Variants in NOS1 observed in about 807,000 individuals in gnomAD.
The protein encoded by NOS1 is NOS type I.
Under a neutral mutation model 164.5 loss-of-function variants are expected in NOS1, and 51 were observed. The observed-to-expected ratio is 0.31, with a 90% CI of 0.25 to 0.39. The LOEUF (loss-of-function observed/expected upper bound fraction) is 0.39. NOS1 is among the 10% of genes least tolerant of loss of function. The pLI is 1.00. For missense variants in NOS1, 1,362 were observed against 1,885.6 expected (o/e 0.72, Z 5.14); for synonymous variants, 719 against 745.8 (o/e 0.96, Z 0.59).
At chr12:117,250,821 C>T (rs1221257463) in intron 17 of NOS1, among the ~76,000 whole-genome samples, 3 of 152,196 alleles carry the variant, frequency 2.0e-5, no homozygotes, top group Non-Finnish European at 2.9e-5. Context: ...ACTTCCAGCA[C>T]TAGTCATGCC....
chr12:117,294,280 TGAG>T (rs1566063012), intron 3 of NOS1, among the ~76,000 whole-genome samples: 1 of 151,220 alleles, frequency 6.6e-6, no homozygotes, highest in Non-Finnish European at 1.5e-5. Flanking sequence ...GGGCCAGGCG[TGAG>T]GAGGAGGAGC....
intron 8 of NOS1, 107 bp downstream of exon 8, chr12:117,280,618 C>A: frequency 1.8e-6 from 2 of 1,128,342 alleles, no homozygotes; most frequent in South Asian, 1.5e-5. Context: ...AGTAAATGAC[C>A]CCATCAGCGG....
intron 1 of NOS1, among the ~76,000 whole-genome samples, chr12:117,342,030 C>T (rs546953765): frequency 1.6e-4 from 24 of 152,262 alleles, no homozygotes; most frequent in South Asian, 6.2e-4. Context: ...ATATTATCAG[C>T]GGTCTCGGAA....
chr12:117,219,703 C>T (rs1240068019), intron 27 of NOS1, among the ~76,000 whole-genome samples: 1 of 152,162 alleles, frequency 6.6e-6, no homozygotes, highest in East Asian at 1.9e-4. Flanking sequence ...TAGAGGGCTC[C>T]ACAGTTCTCC....
intron 9 of NOS1, among the ~76,000 whole-genome samples, chr12:117,274,769 CAAAAA>C (rs71099039): frequency 1.3e-5 from 1 of 77,018 alleles, no homozygotes; most frequent in African/African-American, 5.6e-5. Context: ...CTCCGTCTCA[CAAAAA>C]AAAAAAAAAA....
chr12:117,298,519 T>G (rs2136038183), intron 3 of NOS1, among the ~76,000 whole-genome samples: 1 of 152,292 alleles, frequency 6.6e-6, no homozygotes, highest in South Asian at 2.1e-4. Context: ...ATTCATATGT[T>G]GATGTCCTAA....
chr12:117,209,467 T>A lies in NOS1; in HGVS notation c.*5842A>T. 7.1e-6 allele frequency: 7 copies of A among 985,408 alleles called. No individual in the cohort carries two copies. Among genetic ancestry groups the A allele is most frequent in the Non-Finnish European group, 8.4e-6 (7 of 829,936 alleles). The allele number at this position is 985,408 out of a possible 1,614,324, so 61.0% of individuals were successfully genotyped here. A position where few individuals can be genotyped will look rare whatever the true frequency, so the allele number is the denominator to read the frequency against. The stretch of plus-strand genomic sequence containing the variant: ...ATCTGGGCACTTCGATGTCCTGGAG[T>A]TACTTTCTAAAAGACTACAGGAAGC... On this transcript the variant is annotated 3_prime_UTR_variant, in exon 29 of 29. Coordinates refer to ENST00000317775, the MANE Select transcript of NOS1 (RefSeq NM_000620.5).
At chr12:117,222,955 C>A in intron 25 of NOS1, 92 bp from the exon 26 acceptor site, 1 of 1,436,552 alleles carries the variant, frequency 7.0e-7, no homozygotes, top group Non-Finnish European at 9.5e-7. Flanking sequence ...GAGACCTTAG[C>A]GTGTGCCATG....
At chr12:117,296,378 G>A (rs956914975) in intron 3 of NOS1, among the ~76,000 whole-genome samples, 3 of 152,166 alleles carry the variant, frequency 2.0e-5, no homozygotes, top group Admixed American at 2.0e-4. Context: ...CAGTGGACTG[G>A]GAAAGGCAGA....
chr12:117,269,168 T>C (rs866552000), intron 10 of NOS1, among the ~76,000 whole-genome samples: 1 of 152,210 alleles, frequency 6.6e-6, no homozygotes, highest in South Asian at 2.1e-4. Context: ...AGGCCCACTG[T>C]GGAGACAGCA....
At chr12:117,319,250 G>T (rs1874802829) in intron 2 of NOS1, among the ~76,000 whole-genome samples, 3 of 152,252 alleles carry the variant, frequency 2.0e-5, no homozygotes, top group East Asian at 3.9e-4. Flanking sequence ...ATGGGGTCTT[G>T]CTCTGTTGCC....
intron 2 of NOS1, among the ~76,000 whole-genome samples, chr12:117,314,944 C>A (rs1391635092): frequency 6.6e-6 from 1 of 152,168 alleles, no homozygotes; most frequent in Admixed American, 6.5e-5. Flanking sequence ...TTATTCTAAG[C>A]CAGAGGCTAC....
intron 7 of NOS1, 117 bp from the exon 8 acceptor site, chr12:117,280,983 G>A (rs894550193): frequency 5.0e-5 from 59 of 1,171,692 alleles, no homozygotes; most frequent in East Asian, 2.5e-4. Context: ...GATTACCTCC[G>A]TGCCAAGGTC....
intron 28 of NOS1, among the ~76,000 whole-genome samples, chr12:117,217,670 A>T (rs1956632768): frequency 6.6e-6 from 1 of 151,542 alleles, no homozygotes; most frequent in Non-Finnish European, 1.5e-5. Flanking sequence ...GTGTCACTGC[A>T]CTCCAACCTG....
At chr12:117,304,403 T>C (rs2136047023) in intron 3 of NOS1, among the ~76,000 whole-genome samples, 1 of 152,320 alleles carries the variant, frequency 6.6e-6, no homozygotes, top group East Asian at 1.9e-4. Flanking sequence ...TGGTATCTAC[T>C]TGCTGAGGTA....
intron 18 of NOS1, among the ~76,000 whole-genome samples, chr12:117,244,331 C>T (rs1029700489): frequency 3.3e-5 from 5 of 152,166 alleles, no homozygotes; most frequent in African/African-American, 7.2e-5. Flanking sequence ...GCAGCCTCGA[C>T]CTCCTCCCCA....
intron 11 of NOS1, among the ~76,000 whole-genome samples, chr12:117,267,180 G>A (rs1205072673): frequency 6.6e-6 from 1 of 152,224 alleles, no homozygotes; most frequent in African/African-American, 2.4e-5. Flanking sequence ...GACAGTGATG[G>A]TCCCTATTAT....
intron 1 of NOS1, among the ~76,000 whole-genome samples, chr12:117,345,597 C>T (rs566472397): frequency 7.6e-4 from 116 of 152,268 alleles, no homozygotes; most frequent in African/African-American, 2.7e-3. Flanking sequence ...TGTAAGGGAA[C>T]CATAGATGAT....
chr12:117,337,240 C>T (rs1199573419), intron 1 of NOS1, among the ~76,000 whole-genome samples: 2 of 151,198 alleles, frequency 1.3e-5, no homozygotes, highest in South Asian at 2.1e-4. Context: ...CTCAGCCTCC[C>T]GAGTAGCTGG....
Sources: gnomAD v4.1 joint callset for allele counts (sites outside exome capture counted in the v4.1 genomes callset) on GRCh38, gnomAD v4.1.1 for gene constraint, MANE v1.5 for transcripts, NCBI Gene and HGNC (gene_info 2026-07-23, HGNC 2026-07-21) for gene names.